Variants in CR1L observed in about 807,000 individuals in gnomAD.
CR1L encodes the protein complement component receptor 1-like protein.
CR1L carries 59 observed loss-of-function variants against 62.3 expected under a neutral mutation model. The observed-to-expected ratio is 0.95, with a 90% CI of 0.77 to 1.18. CR1L has a LOEUF of 1.18. Ranked by LOEUF, CR1L falls within the 50% of genes most tolerant of loss-of-function variation. The pLI is 0.00. For synonymous variants in CR1L, 279 were observed against 248.7 expected (o/e 1.12, Z -1.15); for missense variants, 700 against 702.8 (o/e 1.00, Z 0.04).
At chr1:207,706,144 G>A (rs1272502653) in intron 9 of CR1L, among the ~76,000 whole-genome samples, 1 of 151,566 alleles carries the variant, frequency 6.6e-6, no homozygotes, top group African/African-American at 2.4e-5. Context: ...GAAGATAGGT[G>A]GGCACAGTGG....
Position 207,699,270 on chromosome 1 carries a change from T to A in CR1L, c.1224T>A (p.Cys408Ter), listed in dbSNP as rs762330333. 43 of 1,613,622 alleles carry A rather than the reference T, an allele frequency of 2.7e-5. No homozygotes were observed. Among genetic ancestry groups the A allele is most frequent in the Non-Finnish European group, 3.3e-5 (39 of 1,179,652 alleles). ...ESLWNSSVPV[C>*]ERKSCETPPV... The stretch of plus-strand genomic sequence containing the variant: ...TTTGGAATAGCAGTGTTCCAGTGTG[T>A]GAACGTAAGTAATAGGAGTAACATT... The change falls in exon 8 of 12, where the codon TGT (cysteine) becomes TGA (stop). Residue 408 changes from cysteine (C) to a stop codon, truncating the protein, a stop_gained. Coordinates refer to ENST00000508064, the MANE Select transcript of CR1L (RefSeq NM_175710.2). LOFTEE classifies it high-confidence loss of function.
intron 9 of CR1L, among the ~76,000 whole-genome samples, chr1:207,702,022 C>G (rs1168529045): frequency 6.6e-6 from 1 of 152,154 alleles, no homozygotes; most frequent in Non-Finnish European, 1.5e-5. Context: ...ACAGGCCTTC[C>G]TCATTTTATT....
chr1:207,717,321 A>G, intron 10 of CR1L, 143 bp from the exon 11 acceptor site: 3 of 979,308 alleles, frequency 3.1e-6, no homozygotes, highest in Non-Finnish European at 4.4e-6. Flanking sequence ...CAAAAGCCTT[A>G]CAGATTTAAA....
At chr1:207,661,764 GT>G (rs1255542901) in intron 1 of CR1L, among the ~76,000 whole-genome samples, 1 of 152,082 alleles carries the variant, frequency 6.6e-6, no homozygotes, top group African/African-American at 2.4e-5. Flanking sequence ...AATTTGGCAT[GT>G]TTTTGCAGTG....
At chr1:207,721,412 A>G (rs543795026) in intron 11 of CR1L, among the ~76,000 whole-genome samples, 14 of 144,552 alleles carry the variant, frequency 9.7e-5, no homozygotes, top group Admixed American at 4.4e-4. Flanking sequence ...TCATTGTTCA[A>G]TTCCCACCTA....
chr1:207,650,115 G>A (rs1229814485), intron 1 of CR1L, among the ~76,000 whole-genome samples: 2 of 152,120 alleles, frequency 1.3e-5, no homozygotes, highest in African/African-American at 4.8e-5. Context: ...TGTGTGGGGA[G>A]GCAATTGAAT....
chr1:207,718,533 T>C (rs1300366655), intron 11 of CR1L, among the ~76,000 whole-genome samples: 2 of 152,204 alleles, frequency 1.3e-5, no homozygotes, highest in African/African-American at 4.8e-5. Flanking sequence ...GCAATTCTCC[T>C]GCCTCAGCTT....
intron 11 of CR1L, among the ~76,000 whole-genome samples, chr1:207,720,975 C>T (rs541450150): frequency 6.6e-6 from 1 of 152,258 alleles, no homozygotes; most frequent in East Asian, 1.9e-4. Context: ...TCTTAGTTCA[C>T]AAGAAGTCTC....
intron 1 of CR1L, chr1:207,658,546 C>G (rs1357906716): frequency 6.6e-6 from 1 of 152,520 alleles, no homozygotes; most frequent in Admixed American, 6.5e-5. Flanking sequence ...TTACCACTTG[C>G]TGGTGGAGCC....
intron 1 of CR1L, chr1:207,653,084 A>T (rs1052177096): frequency 5.1e-5 from 11 of 215,504 alleles, no homozygotes; most frequent in Admixed American, 5.5e-5. Flanking sequence ...TTTAGGAAAA[A>T]CATGTCCATG....
intron 1 of CR1L, among the ~76,000 whole-genome samples, chr1:207,663,622 T>C (rs1359624703): frequency 6.6e-6 from 1 of 152,216 alleles, no homozygotes; most frequent in African/African-American, 2.4e-5. Flanking sequence ...CTGCTTCGGC[T>C]CATGCACAGT....
At chr1:207,664,383 G>A (rs893389846) in intron 1 of CR1L, among the ~76,000 whole-genome samples, 4 of 152,122 alleles carry the variant, frequency 2.6e-5, no homozygotes, top group Non-Finnish European at 5.9e-5. Flanking sequence ...AAAGGATCTA[G>A]GGGAATTATG....
chr1:207,676,479 T>C (rs1224552137), intron 1 of CR1L, among the ~76,000 whole-genome samples: 1 of 152,152 alleles, frequency 6.6e-6, no homozygotes, highest in African/African-American at 2.4e-5. Flanking sequence ...ACGAGGGATC[T>C]AGGTTGCATG....
At chr1:207,672,979 A>G (rs1663636607) in intron 1 of CR1L, among the ~76,000 whole-genome samples, 1 of 152,232 alleles carries the variant, frequency 6.6e-6, no homozygotes, top group Non-Finnish European at 1.5e-5. Context: ...GAACTCCAGA[A>G]AACAAGAAAA....
Position 207,708,220 on chromosome 1 carries a change from G to C in CR1L, c.1371G>C (p.Ser457=), listed in dbSNP as rs547423972. The change falls in exon 10 of 12, where the codon TCG becomes TCC. Residue 457 remains serine (S), a synonymous_variant. Transcript: ENST00000508064. ...ACTCATCTGCTGAATGTATCCTCTC[G>C]GGCAATACTGCCCATTGGAGCATGA... ...IGHSSAECIL[S]GNTAHWSMKP... The C allele has an allele frequency of 6.2e-7, 1 of 1,611,388 alleles. No individual in the cohort carries two copies. The highest frequency in any genetic ancestry group is 8.5e-7 in the Non-Finnish European group (1 of 1,179,432).
chr1:207,710,516 G>C, intron 10 of CR1L: 7 of 1,608,650 alleles, frequency 4.4e-6, no homozygotes, highest in Non-Finnish European at 5.9e-6. Context: ...GTTTGAGCTC[G>C]TGGGTGAGCC....
intron 5 of CR1L, among the ~76,000 whole-genome samples, chr1:207,695,495 G>A (rs534063797): frequency 3.5e-4 from 53 of 152,262 alleles, no homozygotes; most frequent in East Asian, 1.7e-3. Context: ...TTAACTTGCA[G>A]ACTGAAGACT....
chr1:207,700,300 T>A (rs1664171242), intron 8 of CR1L, among the ~76,000 whole-genome samples: 1 of 152,216 alleles, frequency 6.6e-6, no homozygotes, highest in Non-Finnish European at 1.5e-5. Flanking sequence ...AGAAATCCAG[T>A]GCTCCTTGAG....
chr1:207,654,294 A>T (rs2102441040), intron 1 of CR1L, among the ~76,000 whole-genome samples: 1 of 152,360 alleles, frequency 6.6e-6, no homozygotes, highest in South Asian at 2.1e-4. Flanking sequence ...AAGAGTTTTT[A>T]AAATTTGGTC....
Sources: gnomAD v4.1 joint callset for allele counts (sites outside exome capture counted in the v4.1 genomes callset) on GRCh38, gnomAD v4.1.1 for gene constraint, MANE v1.5 for transcripts, NCBI Gene and HGNC (gene_info 2026-07-23, HGNC 2026-07-21) for gene names.